The following SMG5 variants were observed in gnomAD, a reference collection of about 807,000 sequenced individuals.
The protein encoded by SMG5 is nonsense-mediated mRNA decay factor SMG5.
SMG5 carries 53 observed loss-of-function variants against 122.9 expected under a neutral mutation model. The ratio of observed to expected loss-of-function variants is 0.43; its 90% CI spans 0.35 to 0.54. The LOEUF (loss-of-function observed/expected upper bound fraction) is 0.54. Ranked by LOEUF, SMG5 falls within the 20% of genes least tolerant of loss-of-function variation. The probability of loss-of-function intolerance (pLI) is 0.01; values close to 1 mark genes in which losing one functional copy is unlikely to be tolerated. For synonymous variants in SMG5, 477 were observed against 490.2 expected, an observed-to-expected ratio of 0.97 and a Z score of 0.35; for missense variants, 1,153 against 1,285.6, an observed-to-expected ratio of 0.90 and a Z score of 1.58.
Position 156,251,301 on chromosome 1 carries a change from G to A in SMG5, c.2828+102C>T, listed in dbSNP as rs1303444338. Reference sequence around the variant, plus strand: ...AGGAGGGCCCTGGCAGGCTACGTGTGGAGCCTCAGAATTATCCAGCCCTAC... The same window carrying A: ...AGGAGGGCCCTGGCAGGCTACGTGTAGAGCCTCAGAATTATCCAGCCCTAC... On this transcript the variant is annotated intron_variant, in intron 20 of 21. Transcript: ENST00000361813. 7 of 1,378,382 alleles carry A rather than the reference G, an allele frequency of 5.1e-6. No individual in the cohort carries two copies. In the African/African-American group the frequency reaches 8.5e-5, roughly 17 times the overall value. 85.4% of individuals were successfully genotyped at this position (1,378,382 alleles called of 1,614,324 possible).
chr1:156,268,155 T>C lies in SMG5; in HGVS notation c.868A>G (p.Asn290Asp), dbSNP rs1473534413. 6.2e-7 allele frequency: 1 copy of C among 1,614,110 alleles called. No homozygotes were observed. The highest frequency in any genetic ancestry group is 2.2e-5 in the East Asian group (1 of 44,876). The stretch of plus-strand genomic sequence containing the variant: ...AGGAGGCTTTGCAGATACATAAAGT[T>C]CACTAGCAACCTTTTAATGTCTTTA... ...RCKDIKRLLV[N>D]FMYLQSLLQP... is the part of the protein sequence containing the mutation. Residue 290 changes from asparagine to aspartate, a missense_variant, in exon 9 of 22, where the codon AAC becomes GAC. This residue lies in a region of SMG5 where 631 missense variants were observed against 650.6 expected (regional missense o/e 0.97). Transcript: ENST00000361813.
At position 156,263,562 on chromosome 1, in the gene SMG5, C is replaced by G; in HGVS notation, c.1864G>C (p.Glu622Gln). ...VDKPSEPASE[E>Q]GSESEGSESS... is the part of the protein sequence containing the mutation. ...TCACTCCCCTCCGACTCAGAGCCCT[C>G]CTCAGAGGCTGGGGGGTGGGTGAAT... The change falls in exon 13 of 22, where the codon GAG becomes CAG. Residue 622 changes from glutamate to glutamine, a missense_variant. Physicochemically the swap from Glu to Gln is conservative, Grantham distance 29 (BLOSUM62 2). Around this residue, in one of 5 missense-constraint regions of SMG5, gnomAD observed 631 missense variants for 650.6 expected, o/e 0.97. Coordinates refer to ENST00000361813, the MANE Select transcript of SMG5 (RefSeq NM_015327.3). 1 of 1,613,028 alleles carries G rather than the reference C, an allele frequency of 6.2e-7. No individual in the cohort carries two copies. The highest frequency in any genetic ancestry group is 8.5e-7 in the Non-Finnish European group (1 of 1,179,376).
intron 7 of SMG5, among the ~76,000 whole-genome samples, chr1:156,268,961 C>T (rs893243738): frequency 6.7e-6 from 1 of 148,934 alleles, no homozygotes; most frequent in Non-Finnish European, 1.5e-5. Context: ...GAGAAAAGTC[C>T]CCAATCCAAC....
chr1:156,280,553 A>G (rs953095347), intron 1 of SMG5, among the ~76,000 whole-genome samples: 1 of 152,260 alleles, frequency 6.6e-6, no homozygotes, highest in Non-Finnish European at 1.5e-5. Context: ...TGCCAGGGGC[A>G]GCACCAGTGA....
chr1:156,278,852 T>C (rs2101571961), intron 2 of SMG5, 84 bp downstream of exon 2: 1 of 1,117,028 alleles, frequency 9.0e-7, no homozygotes, highest in Non-Finnish European at 1.4e-6. Context: ...TAAAACAGAG[T>C]GCGTGTTTAT....
the SMG5 span, among the ~76,000 whole-genome samples, chr1:156,289,624 G>C: frequency 6.6e-6 from 1 of 151,880 alleles, no homozygotes; most frequent in African/African-American, 2.4e-5. Flanking sequence ...AAAATAACAA[G>C]AACAACAAAA....
At position 156,267,495 on chromosome 1, in the gene SMG5, C is replaced by G; in HGVS notation, c.1092G>C (p.Met364Ile). ...LIFQMVIICL[M>I]CVHSLERAGS... Reference sequence around the variant, plus strand: ...CTGCTCTCTCCAAGCTGTGCACACACATAAGGCAGATGATGACCATTTGAA... The same window carrying G: ...CTGCTCTCTCCAAGCTGTGCACACAGATAAGGCAGATGATGACCATTTGAA... Residue 364 changes from methionine to isoleucine, a missense_variant, in exon 10 of 22, where the codon ATG becomes ATC. Physicochemically the swap from Met to Ile is conservative, Grantham distance 10 (BLOSUM62 1). Around this residue, in one of 5 missense-constraint regions of SMG5, gnomAD observed 631 missense variants for 650.6 expected, o/e 0.97. Coordinates refer to ENST00000361813, the MANE Select transcript of SMG5 (RefSeq NM_015327.3). The G allele has an allele frequency of 6.2e-7, 1 of 1,614,154 alleles. No homozygotes were observed. The highest frequency in any genetic ancestry group is 8.5e-7 in the Non-Finnish European group (1 of 1,179,998).
At chr1:156,291,482 C>T in the SMG5 span, 1 of 1,613,540 alleles carries the variant, frequency 6.2e-7, no homozygotes, top group Non-Finnish European at 8.5e-7. Context: ...GATGTGGAAC[C>T]TCTACTACAT....
intron 7 of SMG5, among the ~76,000 whole-genome samples, chr1:156,270,094 C>T (rs1425915862): frequency 3.3e-5 from 5 of 152,096 alleles, no homozygotes; most frequent in East Asian, 1.9e-4. Flanking sequence ...CATTTTGTGT[C>T]GTTTCTTAAA....
chr1:156,272,706 T>G (rs1339797538), intron 6 of SMG5, among the ~76,000 whole-genome samples: 1 of 152,090 alleles, frequency 6.6e-6, no homozygotes, highest in East Asian at 1.9e-4. Flanking sequence ...TCCCAGTAGC[T>G]GGGACTACCA....
intron 5 of SMG5, 30 bp from the exon 6 acceptor site, chr1:156,273,480 C>T (rs771582388): frequency 2.1e-5 from 34 of 1,601,982 alleles, no homozygotes; most frequent in African/African-American, 6.7e-5. Flanking sequence ...AAGGGAAACT[C>T]GATGATTTTA....
chr1:156,258,867 C>T, intron 16 of SMG5, 138 bp downstream of exon 16: 1 of 1,075,144 alleles, frequency 9.3e-7, no homozygotes, highest in Admixed American at 3.1e-5. Context: ...GCCTCCCTCC[C>T]AGCCTCCCCT....
the SMG5 span, among the ~76,000 whole-genome samples, chr1:156,288,508 T>A: frequency 1.0e-3 from 158 of 152,132 alleles, 1 homozygote; most frequent in African/African-American, 3.7e-3. Flanking sequence ...CTAATTTTTT[T>A]TGTATTTTTA....
At chr1:156,268,576 T>A (rs957334585) in intron 7 of SMG5, among the ~76,000 whole-genome samples, 161 bp from the exon 8 acceptor site, 3 of 152,134 alleles carry the variant, frequency 2.0e-5, no homozygotes, top group African/African-American at 7.2e-5. Flanking sequence ...TCTTTCCCGA[T>A]AACACACACA....
At position 156,274,659 on chromosome 1, in the gene SMG5, CCT is replaced by C. The variant is rs1156507085; in HGVS notation, c.480_481del (p.Gly161GlufsTer26). ...CATCTGTGCCCAATCCATCTCCTTC[CCT>C]GAGGCAGACACTGGCTTCTTGCATC... On this transcript the variant is annotated frameshift_variant, in exon 5 of 22. Transcript: ENST00000361813. LOFTEE classifies it high-confidence loss of function. 6.2e-7 allele frequency: 1 copy of C among 1,613,958 alleles called. No individual in the cohort carries two copies. Among genetic ancestry groups the C allele is most frequent in the Admixed American group, 1.7e-5 (1 of 60,016 alleles).
chr1:156,260,813 G>A (rs1661790499), intron 14 of SMG5, among the ~76,000 whole-genome samples, 187 bp from the exon 15 acceptor site: 1 of 152,196 alleles, frequency 6.6e-6, no homozygotes, highest in African/African-American at 2.4e-5. Flanking sequence ...GTCAGGCAGA[G>A]CAGAGGGGCT....
chr1:156,259,923 T>C (rs1379385489), intron 15 of SMG5, among the ~76,000 whole-genome samples: 1 of 152,128 alleles, frequency 6.6e-6, no homozygotes, highest in Non-Finnish European at 1.5e-5. Context: ...GCCAAGCAGC[T>C]CTGGTTGGAG....
At chr1:156,284,310 CAGAG>C (rs1217163952), upstream of SMG5, 4 of 152,390 alleles carry the variant, frequency 2.6e-5, no homozygotes, top group Non-Finnish European at 4.4e-5. Context: ...GGGAGGGAGA[CAGAG>C]AGAAATACTT....
intron 9 of SMG5, 53 bp downstream of exon 9, chr1:156,268,062 C>T (rs772432803): frequency 8.0e-5 from 127 of 1,580,336 alleles, no homozygotes; most frequent in Non-Finnish European, 1.1e-4. Context: ...TTCTGTAAAG[C>T]ATCATGGCTG....
Sources: allele counts gnomAD v4.1 joint callset (sites outside exome capture counted in the v4.1 genomes callset), GRCh38; gene constraint gnomAD v4.1.1; regional missense constraint gnomAD v4.1.1; transcripts MANE v1.5; gene names NCBI Gene and HGNC (gene_info 2026-07-23, HGNC 2026-07-21).